Variants in MARCHF1 observed in about 807,000 individuals in gnomAD.
MARCHF1 encodes E3 ubiquitin-protein ligase MARCHF1.
Under a neutral mutation model 54.2 loss-of-function variants are expected in MARCHF1, and 40 were observed. The observed-to-expected ratio is 0.74, with a 90% CI of 0.57 to 0.96. MARCHF1 has a LOEUF of 0.96. Among genes scored for constraint, MARCHF1 ranks in the 40% least tolerant of loss-of-function variants. The probability of loss-of-function intolerance (pLI) is 0.00; values close to 1 mark genes in which losing one functional copy is unlikely to be tolerated. For missense variants in MARCHF1, 586 were observed against 656.5 expected, an observed-to-expected ratio of 0.89 and a Z score of 1.17; for synonymous variants, 236 against 236.3, an observed-to-expected ratio of 1.00 and a Z score of 0.01.
chr4:163,910,658 C>A (rs1343342214), intron 3 of MARCHF1, among the ~76,000 whole-genome samples: 2 of 152,126 alleles, frequency 1.3e-5, no homozygotes, highest in African/African-American at 4.8e-5. Context: ...CCATGCCCAG[C>A]TAATTTTTTT....
intron 4 of MARCHF1, among the ~76,000 whole-genome samples, chr4:163,781,753 A>T (rs1415739209): frequency 6.6e-6 from 1 of 152,226 alleles, no homozygotes; most frequent in Admixed American, 6.5e-5. Flanking sequence ...CACGGAAAAG[A>T]GAAGGAATAA....
At chr4:163,814,026 G>A (rs1292365500) in intron 4 of MARCHF1, among the ~76,000 whole-genome samples, 1 of 152,156 alleles carries the variant, frequency 6.6e-6, no homozygotes, top group Non-Finnish European at 1.5e-5. Flanking sequence ...ACAGCCTCTG[G>A]AATGTATCTA....
chr4:164,170,673 C>A (rs1346494508), intron 1 of MARCHF1, among the ~76,000 whole-genome samples: 1 of 152,036 alleles, frequency 6.6e-6, no homozygotes, highest in Non-Finnish European at 1.5e-5. Context: ...GTGGGAGAAG[C>A]CTTCCCAATG....
chr4:163,771,690 C>A (rs1198067896), intron 4 of MARCHF1, among the ~76,000 whole-genome samples: 2 of 152,164 alleles, frequency 1.3e-5, no homozygotes, highest in Admixed American at 1.3e-4. Context: ...GGAAGACACA[C>A]ACATTTAGAT....
chr4:164,364,177 T>C (rs961792038), intron 1 of MARCHF1, among the ~76,000 whole-genome samples: 2 of 152,040 alleles, frequency 1.3e-5, no homozygotes, highest in African/African-American at 4.8e-5. Flanking sequence ...CTTTAGTCAG[T>C]CAGAGAAAAG....
intron 1 of MARCHF1, among the ~76,000 whole-genome samples, chr4:164,283,540 C>T (rs981814471): frequency 6.6e-6 from 1 of 150,896 alleles, no homozygotes; most frequent in Non-Finnish European, 1.5e-5. Flanking sequence ...GGGGAACAAC[C>T]ATGATGAATC....
At chr4:164,111,085 C>G (rs1474409239) in intron 2 of MARCHF1, among the ~76,000 whole-genome samples, 5 of 151,714 alleles carry the variant, frequency 3.3e-5, no homozygotes, top group African/African-American at 1.2e-4. Context: ...CCTAATATAT[C>G]AAACTCATAT....
In MARCHF1 at chr4:163,585,804, C is replaced by T. The variant is rs886669588; in HGVS notation, c.1136G>A (p.Cys379Tyr). Residue 379 changes from cysteine (C) to tyrosine (Y), a missense_variant, in exon 8 of 10, where the codon TGT (cysteine) becomes TAT (tyrosine). Physicochemically the swap from Cys to Tyr is radical, Grantham distance 194 (BLOSUM62 -2). Around this residue, in one of 3 missense-constraint regions of MARCHF1, gnomAD observed 93 missense variants for 168.2 expected, o/e 0.55. Transcript: ENST00000514618. Reference protein sequence around the residue: ...QWIKSSDTRCCELCKYDFIME... With the variant: ...QWIKSSDTRCYELCKYDFIME... ...TATGAAGTCATACTTGCAGAGCTCA[C>T]AGCAGCGTGTATCTGAGCTCTTTAT... The T allele has an allele frequency of 1.2e-6, 2 of 1,613,676 alleles. No homozygotes were observed. The highest frequency in any genetic ancestry group is 1.7e-6 in the Non-Finnish European group (2 of 1,179,810).
At chr4:163,642,949 A>G (rs1020110009) in intron 5 of MARCHF1, among the ~76,000 whole-genome samples, 7 of 151,974 alleles carry the variant, frequency 4.6e-5, no homozygotes, top group African/African-American at 1.7e-4. Context: ...ATCTCCATAC[A>G]TACATATACA....
chr4:164,117,876 G>C (rs1321346960), intron 1 of MARCHF1, among the ~76,000 whole-genome samples: 1 of 152,020 alleles, frequency 6.6e-6, no homozygotes, highest in Non-Finnish European at 1.5e-5. Flanking sequence ...TCCAGCCTGG[G>C]TGACAGAGCA....
intron 4 of MARCHF1, among the ~76,000 whole-genome samples, chr4:163,755,636 C>A (rs1288136644): frequency 1.6e-5 from 2 of 126,518 alleles, no homozygotes; most frequent in Admixed American, 8.1e-5. Flanking sequence ...TTTTTTTTTT[C>A]CTGAAGGAAA....
chr4:163,590,349 C>T (rs1202620210), intron 7 of MARCHF1, among the ~76,000 whole-genome samples: 2 of 151,480 alleles, frequency 1.3e-5, no homozygotes, highest in Non-Finnish European at 2.9e-5. Context: ...CATTCCTGCA[C>T]AGTTTCTTGG....
At chr4:163,715,394 C>T (rs754045611) in intron 4 of MARCHF1, among the ~76,000 whole-genome samples, 2 of 152,088 alleles carry the variant, frequency 1.3e-5, no homozygotes, top group African/African-American at 4.8e-5. Flanking sequence ...TACAGGCGCC[C>T]GCCACCAGAT....
At chr4:164,160,977 GT>G (rs1268597714) in intron 1 of MARCHF1, among the ~76,000 whole-genome samples, 1 of 152,150 alleles carries the variant, frequency 6.6e-6, no homozygotes, top group Non-Finnish European at 1.5e-5. Context: ...TAACATGATA[GT>G]TTTTGATACC....
At chr4:163,560,863 A>G (rs185155609) in intron 8 of MARCHF1, among the ~76,000 whole-genome samples, 80 of 152,252 alleles carry the variant, frequency 5.3e-4, no homozygotes, top group Admixed American at 3.5e-3. Flanking sequence ...TTATATATTG[A>G]GCTTACATCC....
intron 1 of MARCHF1, among the ~76,000 whole-genome samples, chr4:164,329,193 T>C (rs1735361330): frequency 1.3e-5 from 2 of 152,326 alleles, no homozygotes; most frequent in Admixed American, 1.3e-4. Context: ...CAGATGCACT[T>C]TGGCAAAAGT....
At chr4:163,718,643 T>C (rs746571630) in intron 4 of MARCHF1, among the ~76,000 whole-genome samples, 20 of 152,208 alleles carry the variant, frequency 1.3e-4, no homozygotes, top group East Asian at 5.8e-4. Context: ...GTGATTGTTG[T>C]ATATTGATTA....
intron 1 of MARCHF1, among the ~76,000 whole-genome samples, chr4:164,233,347 T>C (rs960415403): frequency 6.6e-6 from 1 of 152,160 alleles, no homozygotes; most frequent in African/African-American, 2.4e-5. Flanking sequence ...AATGACATCA[T>C]TGTTTTGAGT....
intron 5 of MARCHF1, among the ~76,000 whole-genome samples, chr4:163,673,289 G>A (rs975548024): frequency 3.3e-5 from 5 of 152,176 alleles, no homozygotes; most frequent in African/African-American, 1.2e-4. Flanking sequence ...AAGCCTAATT[G>A]AGCAAGTATT....
Sources: allele counts gnomAD v4.1 joint callset (sites outside exome capture counted in the v4.1 genomes callset), GRCh38; gene constraint gnomAD v4.1.1; regional missense constraint gnomAD v4.1.1; transcripts MANE v1.5; gene names NCBI Gene and HGNC (gene_info 2026-07-23, HGNC 2026-07-21).